Variants in DOCK5 observed in about 807,000 individuals in gnomAD.
The protein encoded by DOCK5 is dedicator of cytokinesis protein 5.
Under a neutral mutation model 251.8 loss-of-function variants are expected in DOCK5, and 142 were observed. The observed-to-expected ratio is 0.56, with a 90% CI of 0.49 to 0.65. The LOEUF (loss-of-function observed/expected upper bound fraction) is 0.65. Among genes scored for constraint, DOCK5 ranks in the 30% least tolerant of loss-of-function variants. The pLI is 0.00. For missense variants in DOCK5, 2,111 were observed against 2,312.3 expected (o/e 0.91, Z 1.79); for synonymous variants, 842 against 835.5 (o/e 1.01, Z -0.13).
chr8:25,336,451 T>A, intron 22 of DOCK5, 78 bp downstream of exon 22: 1 of 1,527,330 alleles, frequency 6.5e-7, no homozygotes, highest in Non-Finnish European at 8.9e-7. Flanking sequence ...TGCACAGTGG[T>A]GTTCAGCTCT....
intron 46 of DOCK5, among the ~76,000 whole-genome samples, chr8:25,400,585 A>T (rs1278726197): frequency 6.6e-6 from 1 of 151,088 alleles, no homozygotes; most frequent in Non-Finnish European, 1.5e-5. Flanking sequence ...TTCTCTCAAG[A>T]CTTCAGTGGG....
rs1805807971 is a variant in DOCK5, at chr8:25,336,437, A to G, written c.2327+64A>G. 2.0e-5 allele frequency: 31 copies of G among 1,586,298 alleles called. No individual in the cohort carries two copies. In the Middle Eastern group the frequency reaches 1.2e-3, roughly 60 times the overall value. On this transcript the variant is annotated intron_variant, in intron 22 of 51. Transcript: ENST00000276440. ...TGTCACTCTGTGTGCTTTTTCCCTC[A>G]CTCTGCACAGTGGTGTTCAGCTCTG...
Position 25,380,349 on chromosome 8 carries a change from T to C in DOCK5, c.3981T>C (p.Thr1327=). ...AIKLSKELAE[T]YESKVFDYEG... ...AGCTGAGCAAAGAGTTGGCTGAGAC[T>C]TACGAAAGCAAAGTATTTGACTACG... Residue 1327 remains threonine, a synonymous_variant, in exon 39 of 52, where the codon ACT becomes ACC. Coordinates refer to ENST00000276440, the MANE Select transcript of DOCK5 (RefSeq NM_024940.8). 1 of 1,612,286 alleles carries C rather than the reference T, an allele frequency of 6.2e-7. No homozygotes were observed. The highest frequency in any genetic ancestry group is 1.7e-5 in the Admixed American group (1 of 59,826).
At chr8:25,405,481 T>G (rs1201393615) in intron 48 of DOCK5, among the ~76,000 whole-genome samples, 4 of 152,112 alleles carry the variant, frequency 2.6e-5, no homozygotes, top group African/African-American at 9.7e-5. Flanking sequence ...CACATACTCT[T>G]TAGTCTGTGG....
rs1187621630 is a variant in DOCK5 at position 25,342,401 on chromosome 8, C to T, written c.2511C>T (p.Ser837=). ...ACTAACCCTGAGGTTTCTCTCCCAG[C>T]GTGCTCTTCTGCAAATTCATTCAAA... ...VKLVFDPVEL[S]VLFCKFIQSI... is the part of the protein sequence containing the mutation. The change falls in exon 25 of 52, where the codon AGC becomes AGT. Residue 837 remains serine, a splice_region_variant and synonymous_variant. Coordinates refer to ENST00000276440, the MANE Select transcript of DOCK5 (RefSeq NM_024940.8). The T allele has an allele frequency of 5.7e-6, 9 of 1,582,740 alleles. No homozygotes were observed. Among genetic ancestry groups the T allele is most frequent in the East Asian group, 2.3e-5 (1 of 43,818 alleles).
chr8:25,259,155 A>G (rs1197646849), intron 2 of DOCK5, among the ~76,000 whole-genome samples: 1 of 152,160 alleles, frequency 6.6e-6, no homozygotes, highest in Non-Finnish European at 1.5e-5. Context: ...ATGAATGAAT[A>G]AATAAAGCCA....
chr8:25,374,806 C>CTAAT (rs1402268659), intron 37 of DOCK5, 152 bp downstream of exon 37: 8 of 1,528,866 alleles, frequency 5.2e-6, no homozygotes, highest in Non-Finnish European at 6.1e-6. Context: ...ATAGGCACAG[C>CTAAT]TAATTTGTAG....
intron 17 of DOCK5, among the ~76,000 whole-genome samples, 198 bp downstream of exon 17, chr8:25,324,149 C>A (rs746667869): frequency 2.0e-5 from 3 of 152,158 alleles, no homozygotes; most frequent in Non-Finnish European, 2.9e-5. Context: ...GAGTGAGTTG[C>A]ATTATTACTG....
chr8:25,363,170 C>A, intron 29 of DOCK5, 29 bp downstream of exon 29: 1 of 1,579,036 alleles, frequency 6.3e-7, no homozygotes, highest in Non-Finnish European at 8.7e-7. Context: ...GGCCCTGAGG[C>A]ATTTGTCTGA....
intron 1 of DOCK5, among the ~76,000 whole-genome samples, chr8:25,185,262 C>G (rs1369806159): frequency 6.6e-6 from 1 of 152,176 alleles, no homozygotes; most frequent in East Asian, 1.9e-4. Flanking sequence ...GCCTGCTGCT[C>G]TTTTGGGGCC....
intron 26 of DOCK5, among the ~76,000 whole-genome samples, chr8:25,349,412 T>C (rs990854795): frequency 1.3e-5 from 2 of 152,196 alleles, no homozygotes; most frequent in African/African-American, 4.8e-5. Flanking sequence ...GCAATTCCAC[T>C]CCTGGGCATC....
At chr8:25,350,121 A>T (rs539265864) in intron 26 of DOCK5, among the ~76,000 whole-genome samples, 1 of 152,296 alleles carries the variant, frequency 6.6e-6, no homozygotes, top group Admixed American at 6.5e-5. Context: ...GTGGCAATAG[A>T]TGTGTTAATT....
At chr8:25,401,595 A>G (rs770819247) in intron 47 of DOCK5, among the ~76,000 whole-genome samples, 2 of 152,134 alleles carry the variant, frequency 1.3e-5, no homozygotes, top group Non-Finnish European at 2.9e-5. Flanking sequence ...TTAGCTGGGC[A>G]TGGCGTCAGG....
At chr8:25,252,680 G>T (rs999703411) in intron 2 of DOCK5, among the ~76,000 whole-genome samples, 2 of 152,200 alleles carry the variant, frequency 1.3e-5, no homozygotes, top group African/African-American at 4.8e-5. Flanking sequence ...CAAAAGATAT[G>T]TGTGGCAGTA....
chr8:25,231,218 G>T (rs1802661207), intron 1 of DOCK5, among the ~76,000 whole-genome samples: 1 of 152,062 alleles, frequency 6.6e-6, no homozygotes, highest in South Asian at 2.1e-4. Context: ...TTAGTGTCAT[G>T]CATGCACTCA....
intron 14 of DOCK5, chr8:25,317,411 T>G (rs1805283295): frequency 3.6e-6 from 1 of 279,108 alleles, no homozygotes; most frequent in Non-Finnish European, 6.8e-6. Context: ...AGATGTTATT[T>G]ATCGTTTTCA....
At chr8:25,245,118 A>T (rs1457190075) in intron 2 of DOCK5, among the ~76,000 whole-genome samples, 2 of 152,090 alleles carry the variant, frequency 1.3e-5, no homozygotes, top group Admixed American at 1.3e-4. Flanking sequence ...GTGCAGTGAC[A>T]CGATCTCAGC....
chr8:25,409,739 G>A (rs1284929787), intron 50 of DOCK5: 1 of 159,672 alleles, frequency 6.3e-6, no homozygotes, highest in Non-Finnish European at 1.4e-5. Flanking sequence ...CCAGCTACCT[G>A]GGAGGCTGAG....
At chr8:25,285,011 TG>T (rs572873003) in intron 5 of DOCK5, among the ~76,000 whole-genome samples, 127 of 152,298 alleles carry the variant, frequency 8.3e-4, no homozygotes, top group Non-Finnish European at 1.5e-3. Flanking sequence ...TTCAGTGAAT[TG>T]TGGTCAATCG....
Sources: allele counts gnomAD v4.1 joint callset (sites outside exome capture counted in the v4.1 genomes callset), GRCh38; gene constraint gnomAD v4.1.1; transcripts MANE v1.5; gene names NCBI Gene and HGNC (gene_info 2026-07-23, HGNC 2026-07-21).